The following PDSS2 variants were observed in gnomAD, a reference collection of about 807,000 sequenced individuals.
PDSS2 encodes decaprenyl diphosphate synthase subunit 2.
PDSS2 carries 31 observed loss-of-function variants against 44.5 expected under a neutral mutation model. The observed-to-expected ratio is 0.70, with a 90% confidence interval of 0.52 to 0.94. The LOEUF (loss-of-function observed/expected upper bound fraction) is 0.94, where lower values mean the gene tolerates loss of function less well. PDSS2 is among the 40% of genes least tolerant of loss of function. The pLI is 0.00. For synonymous variants in PDSS2, 157 were observed against 180.3 expected, an observed-to-expected ratio of 0.87 and a Z score of 1.03; for missense variants, 452 against 482.2, an observed-to-expected ratio of 0.94 and a Z score of 0.59.
chr6:107,448,093 G>C (rs1017027839), intron 1 of PDSS2, among the ~76,000 whole-genome samples: 3 of 152,120 alleles, frequency 2.0e-5, no homozygotes, highest in South Asian at 4.1e-4. Context: ...CAGCAGGGGG[G>C]GCTGGACCTG....
intron 1 of PDSS2, among the ~76,000 whole-genome samples, chr6:107,454,487 A>G (rs1781972481): frequency 6.6e-6 from 1 of 152,246 alleles, no homozygotes; most frequent in East Asian, 1.9e-4. Context: ...TATTCCTAGT[A>G]ACAGAATCAT....
Position 107,210,470 on chromosome 6 carries a change from C to G in PDSS2, c.977G>C (p.Gly326Ala). 6.2e-7 allele frequency: 1 copy of G among 1,610,074 alleles called. No homozygotes were observed. The highest frequency in any genetic ancestry group is 8.5e-7 in the Non-Finnish European group (1 of 1,176,680). Reference protein sequence around the residue: ...APVVLHQEFLGRDLWIKQIGE... With the variant: ...APVVLHQEFLARDLWIKQIGE... ...GATCTGTTTAATCCACAAATCTCTTCCAAGAAATTCCTGATGTAAGACTAC... is the reference window on the plus strand; with the variant it reads ...GATCTGTTTAATCCACAAATCTCTTGCAAGAAATTCCTGATGTAAGACTAC... The change falls in exon 6 of 8, where the codon GGA (glycine) becomes GCA (alanine). Residue 326 changes from glycine (G) to alanine (A), a missense_variant. Gly to Ala is a moderately conservative substitution (Grantham distance 60). Transcript: ENST00000369037.
intron 2 of PDSS2, among the ~76,000 whole-genome samples, chr6:107,308,903 A>C (rs1776946857): frequency 6.6e-6 from 1 of 152,188 alleles, no homozygotes; most frequent in Non-Finnish European, 1.5e-5. Flanking sequence ...AAACTGGAAT[A>C]TGGGTGGAGC....
chr6:107,265,008 A>T (rs1479366072), intron 3 of PDSS2, among the ~76,000 whole-genome samples: 1 of 152,140 alleles, frequency 6.6e-6, no homozygotes, highest in Non-Finnish European at 1.5e-5. Context: ...ATGAATGAAA[A>T]CCCAAGCATT....
At chr6:107,404,076 C>T (rs890775856) in intron 1 of PDSS2, among the ~76,000 whole-genome samples, 21 of 152,222 alleles carry the variant, frequency 1.4e-4, no homozygotes, top group African/African-American at 5.1e-4. Context: ...AAATTTCTTC[C>T]ACCAGATACC....
chr6:107,451,627 GT>G (rs1428887766), intron 1 of PDSS2, among the ~76,000 whole-genome samples: 1 of 152,134 alleles, frequency 6.6e-6, no homozygotes, highest in Non-Finnish European at 1.5e-5. Context: ...GTCAAAGGAA[GT>G]GCTAAACCGT....
chr6:107,324,921 T>C (rs1206499216), intron 2 of PDSS2, among the ~76,000 whole-genome samples: 1 of 152,144 alleles, frequency 6.6e-6, no homozygotes, highest in African/African-American at 2.4e-5. Context: ...GATGGATAGA[T>C]AGTCACAGCC....
intron 4 of PDSS2, among the ~76,000 whole-genome samples, chr6:107,244,787 TTGAAGTGAG>T (rs1453066827): frequency 6.6e-6 from 1 of 152,206 alleles, no homozygotes; most frequent in African/African-American, 2.4e-5. Flanking sequence ...CTTTTCTAAT[TTGAAGTGAG>T]TGAAATCTTG....
At chr6:107,170,557 C>T (rs112842424) in intron 7 of PDSS2, among the ~76,000 whole-genome samples, 3,316 of 151,632 alleles carry the variant, frequency 0.022, 132 homozygotes, top group African/African-American at 0.074. Context: ...GCATTGCTCA[C>T]GCTGGGAGCT....
intron 4 of PDSS2, among the ~76,000 whole-genome samples, chr6:107,217,603 A>C (rs1773456131): frequency 6.6e-6 from 1 of 152,186 alleles, no homozygotes; most frequent in Non-Finnish European, 1.5e-5. Flanking sequence ...CTGTGACCAA[A>C]TAGGCCTCTC....
chr6:107,445,938 CTCTG>C (rs988958465), intron 1 of PDSS2, among the ~76,000 whole-genome samples: 2 of 152,174 alleles, frequency 1.3e-5, no homozygotes, highest in East Asian at 3.8e-4. Flanking sequence ...CTCTCTCTGT[CTCTG>C]TCTGTCTGTT....
At chr6:107,306,328 T>C (rs1481404798) in intron 2 of PDSS2, among the ~76,000 whole-genome samples, 1 of 152,162 alleles carries the variant, frequency 6.6e-6, no homozygotes, top group African/African-American at 2.4e-5. Flanking sequence ...TGAGATCTGA[T>C]GGTTTTGAAA....
chr6:107,415,734 A>G (rs1051980807), intron 1 of PDSS2, among the ~76,000 whole-genome samples: 7 of 152,250 alleles, frequency 4.6e-5, no homozygotes, highest in African/African-American at 1.7e-4. Flanking sequence ...ATTTGCATCA[A>G]CTGGGAAAAT....
chr6:107,202,202 C>T (rs973642484), intron 6 of PDSS2, among the ~76,000 whole-genome samples: 1 of 152,056 alleles, frequency 6.6e-6, no homozygotes, highest in African/African-American at 2.4e-5. Context: ...CCACACCTGG[C>T]TACTTTTAAA....
intron 4 of PDSS2, among the ~76,000 whole-genome samples, chr6:107,233,321 C>T (rs2114744485): frequency 1.3e-5 from 2 of 152,234 alleles, no homozygotes; most frequent in South Asian, 4.1e-4. Context: ...TTTCCTATGA[C>T]CTGTAAGCAT....
chr6:107,171,865 G>T (rs1209406849), intron 7 of PDSS2, among the ~76,000 whole-genome samples: 1 of 152,052 alleles, frequency 6.6e-6, no homozygotes, highest in African/African-American at 2.4e-5. Context: ...TCTACATTTT[G>T]AATGGGCAAA....
In PDSS2 at chr6:107,170,615, C is replaced by G. The variant is rs1966287; in HGVS notation, c.1042-15838G>C. 6.0e-3 allele frequency among the ~76,000 whole-genome samples: 821 copies of G among 137,116 alleles called. 22 individuals carry two copies. The highest frequency in any genetic ancestry group is 0.022 in the African/African-American group (790 of 35,530). 90.0% of individuals were successfully genotyped at this position (137,116 alleles called of 152,430 possible). A position where few individuals can be genotyped will look rare whatever the true frequency, so the allele number is the denominator to read the frequency against. ...CGGCCATCTTGGAACCACCCCCCCC[C>G]CCCCACTTTTTTTTTTCTGAGACAG... On this transcript the variant is annotated intron_variant, in intron 7 of 7. Transcript: ENST00000369037.
At chr6:107,381,449 C>T (rs372498988) in intron 1 of PDSS2, among the ~76,000 whole-genome samples, 4 of 152,270 alleles carry the variant, frequency 2.6e-5, no homozygotes, top group South Asian at 4.1e-4. Flanking sequence ...TCATTCATAG[C>T]TATGTTCCAT....
intron 1 of PDSS2, among the ~76,000 whole-genome samples, chr6:107,401,474 G>A (rs1780103960): frequency 6.6e-6 from 1 of 152,096 alleles, no homozygotes; most frequent in African/African-American, 2.4e-5. Flanking sequence ...TGTTACCCCA[G>A]ATGTGAAGGA....
Sources: allele counts gnomAD v4.1 joint callset (sites outside exome capture counted in the v4.1 genomes callset), GRCh38; gene constraint gnomAD v4.1.1; transcripts MANE v1.5; gene names NCBI Gene and HGNC (gene_info 2026-07-23, HGNC 2026-07-21).